Variants in MANSC4 observed in about 807,000 individuals in gnomAD.
The protein encoded by MANSC4 is MANSC domain containing 4.
In MANSC4, 11 loss-of-function variants were observed where a neutral mutation model predicts 11.4. The observed-to-expected ratio is 0.97, with a 90% confidence interval of 0.61 to 1.60. MANSC4 has a LOEUF of 1.60. Ranked by LOEUF, MANSC4 falls within the 40% of genes most tolerant of loss-of-function variation. The pLI, the probability that MANSC4 is intolerant of heterozygous loss-of-function variation, is 0.00. For missense variants in MANSC4, 354 were observed against 404.6 expected, an observed-to-expected ratio of 0.88 and a Z score of 1.07; for synonymous variants, 123 against 147.1, an observed-to-expected ratio of 0.84 and a Z score of 1.19.
At chr12:27,764,036 T>C (rs762369352) in intron 3 of MANSC4, among the ~76,000 whole-genome samples, 1 of 152,140 alleles carries the variant, frequency 6.6e-6, no homozygotes, top group African/African-American at 2.4e-5. Context: ...CCCAGCAATA[T>C]AGCATCTTTA....
chr12:27,777,884 T>C (rs1263222755), intron 1 of MANSC4, among the ~76,000 whole-genome samples: 1 of 151,918 alleles, frequency 6.6e-6, no homozygotes, highest in Non-Finnish European at 1.5e-5. Flanking sequence ...GAGTTTGAGG[T>C]CTGTCTTGGG....
In MANSC4 at chr12:27,778,900, G is replaced by T. The variant is rs530919731; in HGVS notation, c.-307+1310C>A. On this transcript the variant is annotated intron_variant, in intron 1 of 3. Transcript: ENST00000381273. ...TCTCTCTTTTCCGAGACGGCGTCTC[G>T]CTCTGTCGCCCAGGCTGGAGTGCAG... Among the ~76,000 whole-genome samples the T allele has an allele frequency of 1.4e-4, 21 of 152,236 alleles. No individual in the cohort carries two copies. In the East Asian group the frequency reaches 4.1e-3, roughly 29 times the overall value.
intron 1 of MANSC4, among the ~76,000 whole-genome samples, chr12:27,778,586 T>C (rs1217082149): frequency 3.3e-5 from 5 of 151,718 alleles, no homozygotes; most frequent in South Asian, 4.2e-4. Flanking sequence ...ACCAAACACA[T>C]ATTCTCTCCA....
chr12:27,768,635 A>G (rs1269586033), intron 2 of MANSC4, among the ~76,000 whole-genome samples: 1 of 95,330 alleles, frequency 1.0e-5, no homozygotes, highest in South Asian at 4.3e-4. Context: ...GCCAAAAGGT[A>G]CCGACTTTTT....
At position 27,771,062 on chromosome 12, in the gene MANSC4, C is replaced by T; in HGVS notation, c.215G>A (p.Cys72Tyr). 6.4e-7 allele frequency: 1 copy of T among 1,550,986 alleles called. No individual in the cohort carries two copies. The highest frequency in any genetic ancestry group is 8.7e-7 in the Non-Finnish European group (1 of 1,146,716). The change falls in exon 2 of 4, where the codon TGT becomes TAT. Residue 72 changes from cysteine to tyrosine, a missense_variant. Transcript: ENST00000381273. ...STGQKCSRSC[C>Y]LRKDVSCNLA... Reference sequence around the variant, plus strand: ...TGAATACTTACCATCCTTCCGAAGACAGCAGCTCCTACTGCACTTCTGGCC... The same window carrying T: ...TGAATACTTACCATCCTTCCGAAGATAGCAGCTCCTACTGCACTTCTGGCC...
At chr12:27,770,906 T>A (rs1014685600) in intron 2 of MANSC4, 142 bp downstream of exon 2, 7 of 617,556 alleles carry the variant, frequency 1.1e-5, no homozygotes, top group African/African-American at 1.8e-5. Flanking sequence ...CTCTCTTACC[T>A]CTCCCTCTCT....
intron 1 of MANSC4, among the ~76,000 whole-genome samples, chr12:27,778,501 T>C (rs1181543177): frequency 1.3e-5 from 2 of 152,004 alleles, no homozygotes; most frequent in Non-Finnish European, 2.9e-5. Context: ...AGGGGAAATG[T>C]ACTTATGAAG....
chr12:27,765,106 G>A lies in MANSC4; in HGVS notation c.364+1559C>T, dbSNP rs562121907. Among the ~76,000 whole-genome samples, 9 of 152,290 alleles carry A rather than the reference G, an allele frequency of 5.9e-5. No individual in the cohort carries two copies. The South Asian group carries it at 1.7e-3, about 28-fold the overall frequency. On this transcript the variant is annotated intron_variant, in intron 3 of 3. Transcript: ENST00000381273. ...CCTGCCTCAGCCTCTCAAAGTGCTG[G>A]AATTACAGGCGTGAGCCACTGCACT... is the stretch of plus-strand genomic sequence containing the variant.
chr12:27,775,355 T>C (rs573016387), intron 1 of MANSC4, among the ~76,000 whole-genome samples: 1 of 152,194 alleles, frequency 6.6e-6, no homozygotes, highest in South Asian at 2.1e-4. Context: ...AGAGGGAGAA[T>C]TGCTTTGAGC....
rs1392444178 is a variant in MANSC4 at position 27,762,850 on chromosome 12, A to C, written c.911T>G (p.Ile304Ser). 1.3e-6 allele frequency: 2 copies of C among 1,551,996 alleles called. No individual in the cohort carries two copies. The highest frequency in any genetic ancestry group is 1.7e-6 in the Non-Finnish European group (2 of 1,147,082). ...CTTTCCACAGCATCCAGATGCCAGG[A>C]TGACTATACAACAGCCGAGAAAGAT... ...SVIFLGCCIV[I>S]LASGCCGKQQ... Residue 304 changes from isoleucine (I) to serine (S), a missense_variant, in exon 4 of 4, where the codon ATC (isoleucine) becomes AGC (serine). Coordinates refer to ENST00000381273, the MANE Select transcript of MANSC4 (RefSeq NM_001146221.5).
chr12:27,777,567 G>A (rs2062123842), intron 1 of MANSC4, among the ~76,000 whole-genome samples: 1 of 152,168 alleles, frequency 6.6e-6, no homozygotes, highest in Admixed American at 6.5e-5. Flanking sequence ...CATAGAGAAT[G>A]GAAGTGTGAA....
rs186233813 is a variant in MANSC4 at position 27,770,944 on chromosome 12, G to C, written c.229+104C>G. On this transcript the variant is annotated intron_variant, in intron 2 of 3. Transcript: ENST00000381273. ...CCCACACCCTAGGGCATCTTCTCTA[G>C]TTCTTTACAACTGTTTACTGGCCTC... 5 of 823,998 alleles carry C rather than the reference G, an allele frequency of 6.1e-6. No homozygotes were observed. The African/African-American group carries it at 8.6e-5, about 14-fold the overall frequency. 51.0% of individuals were successfully genotyped at this position (823,998 alleles called of 1,614,324 possible). A position where few individuals can be genotyped will look rare whatever the true frequency, so the allele number is the denominator to read the frequency against.
chr12:27,779,281 A>C (rs1019295001), intron 1 of MANSC4, among the ~76,000 whole-genome samples: 3 of 152,242 alleles, frequency 2.0e-5, no homozygotes, highest in Non-Finnish European at 4.4e-5. Flanking sequence ...CAATTTTGTC[A>C]GATCTTTTGC....
At chr12:27,777,153 T>C (rs1444355334) in intron 1 of MANSC4, among the ~76,000 whole-genome samples, 3 of 152,250 alleles carry the variant, frequency 2.0e-5, no homozygotes, top group Non-Finnish European at 4.4e-5. Context: ...CAACCTCATC[T>C]TACCCTGATA....
At chr12:27,764,057 A>G (rs2062060578) in intron 3 of MANSC4, among the ~76,000 whole-genome samples, 1 of 152,156 alleles carries the variant, frequency 6.6e-6, no homozygotes, top group African/African-American at 2.4e-5. Context: ...AATCAAGTTA[A>G]GCAAAATAGG....
At chr12:27,771,770 T>C (rs1437076931) in intron 1 of MANSC4, among the ~76,000 whole-genome samples, 188 bp from the exon 2 acceptor site, 4 of 152,232 alleles carry the variant, frequency 2.6e-5, no homozygotes, top group Non-Finnish European at 5.9e-5. Flanking sequence ...AAAGAACTTG[T>C]GATTGCAGAT....
Position 27,780,155 on chromosome 12 carries a change from G to T in MANSC4, c.-307+55C>A. On this transcript the variant is annotated intron_variant, in intron 1 of 3. Transcript: ENST00000381273. The surrounding 1 kb of genome is among the most constrained non-coding windows in gnomAD (Gnocchi z 8.8). ...GGCAGGGCCGCCGCCTCGCGGGAGC[G>T]GGCCCCGGGAGGAGGGGCCGCCGGA... The T allele has an allele frequency of 3.7e-6, 1 of 268,626 alleles. No homozygotes were observed. The allele number at this position is 268,626 out of a possible 1,614,324, so 16.6% of individuals were successfully genotyped here.
chr12:27,766,165 T>G (rs546429869), intron 3 of MANSC4, among the ~76,000 whole-genome samples: 1 of 152,088 alleles, frequency 6.6e-6, no homozygotes, highest in Admixed American at 6.5e-5. Flanking sequence ...CCTCCCAGGT[T>G]CAAGCGATTC....
Position 27,763,216 on chromosome 12 carries a change from A to G in MANSC4, c.545T>C (p.Leu182Ser). The part of the protein sequence containing the change: ...EAPSSTTHQD[L>S]VVNTNSTSYS... ...ACTGGTACTGTTTGTGTTTACAACC[A>G]AATCTTGATGCGTGGTTGAGGATGG... The change falls in exon 4 of 4, where the codon TTG (leucine) becomes TCG (serine). Residue 182 changes from leucine (L) to serine (S), a missense_variant. Coordinates refer to ENST00000381273, the MANE Select transcript of MANSC4 (RefSeq NM_001146221.5). 6.4e-7 allele frequency: 1 copy of G among 1,551,734 alleles called. No homozygotes were observed. The highest frequency in any genetic ancestry group is 1.7e-4 in the Middle Eastern group (1 of 5,992).
Sources: gnomAD v4.1 joint callset for allele counts (sites outside exome capture counted in the v4.1 genomes callset) on GRCh38, gnomAD v4.1.1 for gene constraint, Gnocchi (gnomAD v3.1) non-coding constraint, MANE v1.5 for transcripts, NCBI Gene and HGNC (gene_info 2026-07-23, HGNC 2026-07-21) for gene names.